Variants in CENPP observed in about 807,000 individuals in gnomAD.
The protein encoded by CENPP is centromere protein P.
Under a neutral mutation model 35.6 loss-of-function variants are expected in CENPP, and 24 were observed. The observed-to-expected ratio is 0.67, with a 90% CI of 0.49 to 0.95. CENPP has a LOEUF of 0.95. Among genes scored for constraint, CENPP ranks in the 40% least tolerant of loss-of-function variants. The pLI is 0.00. For synonymous variants in CENPP, 120 were observed against 125.5 expected (o/e 0.96, Z 0.29); for missense variants, 332 against 345.3 (o/e 0.96, Z 0.31).
chr9:92,397,736 A>G (rs990803883), intron 5 of CENPP, among the ~76,000 whole-genome samples: 8 of 152,234 alleles, frequency 5.3e-5, no homozygotes, highest in Non-Finnish European at 1.2e-4. Flanking sequence ...TTCAGCAGAG[A>G]GAGCTAGGAA....
intron 5 of CENPP, among the ~76,000 whole-genome samples, chr9:92,380,934 A>C (rs534783428): frequency 6.6e-6 from 1 of 152,152 alleles, no homozygotes; most frequent in African/African-American, 2.4e-5. Flanking sequence ...TAATTGGTGT[A>C]TTTTTCTTAT....
intron 5 of CENPP, chr9:92,460,396 G>A (rs1182020510): frequency 2.3e-6 from 2 of 856,030 alleles, no homozygotes; most frequent in East Asian, 2.6e-5. Flanking sequence ...TGGCTAAACA[G>A]ACAGTGATCT....
At chr9:92,546,486 A>G (rs1229100224) in intron 5 of CENPP, among the ~76,000 whole-genome samples, 1 of 152,146 alleles carries the variant, frequency 6.6e-6, no homozygotes, top group East Asian at 1.9e-4. Context: ...CCACGAACCC[A>G]CTGGGAGAAA....
chr9:92,536,245 A>AT (rs1181251576), intron 5 of CENPP, among the ~76,000 whole-genome samples: 9 of 152,156 alleles, frequency 5.9e-5, no homozygotes, highest in Admixed American at 2.0e-4. Context: ...TGCAGGCTGA[A>AT]AAGGCAGAGT....
At chr9:92,393,091 T>G in intron 5 of CENPP, 1 of 1,612,870 alleles carries the variant, frequency 6.2e-7, no homozygotes, top group South Asian at 1.1e-5. Context: ...CTTACGTATG[T>G]CTGCAAAATC....
chr9:92,408,762 A>C (rs1248125398), intron 5 of CENPP, among the ~76,000 whole-genome samples: 2 of 152,138 alleles, frequency 1.3e-5, no homozygotes, highest in Non-Finnish European at 2.9e-5. Flanking sequence ...ATGACCAAAA[A>C]TGTCTCCAGA....
intron 5 of CENPP, among the ~76,000 whole-genome samples, chr9:92,425,280 A>G (rs1438913542): frequency 6.6e-6 from 1 of 152,182 alleles, no homozygotes; most frequent in Admixed American, 6.5e-5. Context: ...TTGCACTCCA[A>G]AGGTGTATCT....
intron 5 of CENPP, among the ~76,000 whole-genome samples, chr9:92,402,477 G>A (rs116443877): frequency 1.2e-3 from 176 of 152,268 alleles, no homozygotes; most frequent in African/African-American, 3.9e-3. Context: ...ATGTGTATGT[G>A]TCATACATAG....
intron 5 of CENPP, chr9:92,514,486 G>C: frequency 9.3e-7 from 1 of 1,073,836 alleles, no homozygotes; most frequent in Non-Finnish European, 1.3e-6. Context: ...TATTGTCCAG[G>C]CTGGTCTCAA....
chr9:92,392,620 G>C (rs574074250), intron 5 of CENPP, among the ~76,000 whole-genome samples: 1 of 151,352 alleles, frequency 6.6e-6, no homozygotes, highest in African/African-American at 2.4e-5. Context: ...ATGTCGGGTT[G>C]GGGGGAGGGG....
intron 4 of CENPP, among the ~76,000 whole-genome samples, chr9:92,370,077 G>GT (rs1185286925): frequency 6.6e-6 from 1 of 151,936 alleles, no homozygotes. Flanking sequence ...GAGATTATAT[G>GT]TTTTTTTCCC....
chr9:92,436,590 T>G (rs538055705), intron 5 of CENPP, among the ~76,000 whole-genome samples: 1 of 152,304 alleles, frequency 6.6e-6, no homozygotes, highest in Middle Eastern at 3.4e-3. Context: ...TTTGAAAGGT[T>G]TTTTTTGCTT....
At chr9:92,420,270 G>C (rs912266538) in intron 5 of CENPP, among the ~76,000 whole-genome samples, 3 of 152,032 alleles carry the variant, frequency 2.0e-5, no homozygotes, top group African/African-American at 7.2e-5. Flanking sequence ...GTTTTTCACT[G>C]TCCCTCATCC....
chr9:92,385,391 T>C (rs934203877), intron 5 of CENPP: 1 of 436,346 alleles, frequency 2.3e-6, no homozygotes, highest in African/African-American at 2.0e-5. Flanking sequence ...AACTAGGATT[T>C]TGTAATGCTG....
At chr9:92,334,104 A>C (rs1840842631) in intron 2 of CENPP, among the ~76,000 whole-genome samples, 1 of 151,156 alleles carries the variant, frequency 6.6e-6, no homozygotes, top group African/African-American at 2.4e-5. Flanking sequence ...GTGTTACTGC[A>C]AAGTAATGAG....
chr9:92,447,027 A>C (rs944369867), intron 5 of CENPP, among the ~76,000 whole-genome samples: 4 of 152,116 alleles, frequency 2.6e-5, no homozygotes, highest in Non-Finnish European at 2.9e-5. Flanking sequence ...TAAATGTTTC[A>C]AAACAAAGGA....
intron 5 of CENPP, among the ~76,000 whole-genome samples, chr9:92,580,606 T>G (rs1308566633): frequency 2.0e-5 from 3 of 150,076 alleles, no homozygotes; most frequent in Non-Finnish European, 3.0e-5. Flanking sequence ...GTTTGCAGTA[T>G]TCTCTGATGG....
chr9:92,507,611 G>A (rs1266989408), intron 5 of CENPP, among the ~76,000 whole-genome samples: 1 of 152,214 alleles, frequency 6.6e-6, no homozygotes, highest in East Asian at 1.9e-4. Flanking sequence ...TACCATGACA[G>A]GCTGTGGACA....
intron 5 of CENPP, among the ~76,000 whole-genome samples, chr9:92,600,866 G>A (rs1363143737): frequency 1.3e-5 from 2 of 152,220 alleles, no homozygotes; most frequent in African/African-American, 2.4e-5. Context: ...TGGTCTTGTG[G>A]ATGGTGCAGG....
Sources: allele counts gnomAD v4.1 joint callset (sites outside exome capture counted in the v4.1 genomes callset), GRCh38; gene constraint gnomAD v4.1.1; transcripts MANE v1.5; gene names NCBI Gene and HGNC (gene_info 2026-07-23, HGNC 2026-07-21).